GATAD2B: variants seen among roughly 807,000 people sequenced by gnomAD.
The protein encoded by GATAD2B is GATA zinc finger domain containing 2B, also known as transcriptional repressor p66-beta.
In GATAD2B, 8 loss-of-function variants were observed where a neutral mutation model predicts 64.3. The observed-to-expected ratio is 0.12, with a 90% CI of 0.07 to 0.22. The LOEUF (loss-of-function observed/expected upper bound fraction) is 0.22. Among genes scored for constraint, GATAD2B ranks in the 10% least tolerant of loss-of-function variants. The pLI, the probability that GATAD2B is intolerant of heterozygous loss-of-function variation, is 1.00. For synonymous variants in GATAD2B, 281 were observed against 271.3 expected (o/e 1.04, Z -0.35); for missense variants, 453 against 752.0 (o/e 0.60, Z 4.65).
intron 1 of GATAD2B, among the ~76,000 whole-genome samples, chr1:153,832,598 A>G (rs1261309440): frequency 6.6e-6 from 1 of 152,264 alleles, no homozygotes. Context: ...TCTAGCTGAG[A>G]TAACCCACAA....
At chr1:153,821,752 G>C (rs1211781446) in intron 2 of GATAD2B, among the ~76,000 whole-genome samples, 1 of 151,810 alleles carries the variant, frequency 6.6e-6, no homozygotes. Flanking sequence ...ATTTTTAGTA[G>C]AGACGGGGTT....
At chr1:153,866,768 T>A (rs957270721) in intron 1 of GATAD2B, among the ~76,000 whole-genome samples, 1 of 152,122 alleles carries the variant, frequency 6.6e-6, no homozygotes, top group Non-Finnish European at 1.5e-5. Flanking sequence ...TGAAATTATT[T>A]CCAATGTACC....
chr1:153,894,371 G>A (rs886798166), intron 1 of GATAD2B, among the ~76,000 whole-genome samples: 10 of 152,156 alleles, frequency 6.6e-5, no homozygotes, highest in African/African-American at 2.4e-4. Flanking sequence ...AGGAGGCTGA[G>A]GCAAGAAAAT....
rs935575331 is a variant in GATAD2B at position 153,820,630 on chromosome 1, CT to C, written c.336-896del. On this transcript the variant is annotated intron_variant, in intron 2 of 10. Coordinates refer to ENST00000368655, the MANE Select transcript of GATAD2B (RefSeq NM_020699.4). ...GGTCGAGGGCAATTGTTCTTTGGTCCTTTTTTTTTTCCCTCTTGAGACAGGG... is the reference window on the plus strand; with the variant it reads ...GGTCGAGGGCAATTGTTCTTTGGTCCTTTTTTTTTCCCTCTTGAGACAGGG... Among the ~76,000 whole-genome samples the C allele has an allele frequency of 2.0e-3, 301 of 149,010 alleles. 2 individuals are homozygous for C. Among genetic ancestry groups the C allele is most frequent in the African/African-American group, 6.8e-3 (277 of 40,672 alleles).
At chr1:153,918,367 T>C (rs1476057292) in intron 1 of GATAD2B, among the ~76,000 whole-genome samples, 1 of 152,166 alleles carries the variant, frequency 6.6e-6, no homozygotes, top group South Asian at 2.1e-4. Context: ...GTTCATCCCC[T>C]CTCTTTCAGC....
intron 2 of GATAD2B, chr1:153,827,425 G>GC (rs1478077428): frequency 6.5e-6 from 1 of 152,722 alleles, no homozygotes; most frequent in Admixed American, 6.6e-5. Flanking sequence ...AAAGACACCA[G>GC]AAAAAAAGGC....
At chr1:153,906,651 G>A (rs1229344643) in intron 1 of GATAD2B, among the ~76,000 whole-genome samples, 3 of 151,972 alleles carry the variant, frequency 2.0e-5, no homozygotes, top group South Asian at 4.1e-4. Flanking sequence ...AAAAACAACA[G>A]ATAAACTGGA....
chr1:153,912,508 A>T (rs1171678482), intron 1 of GATAD2B, among the ~76,000 whole-genome samples: 2 of 152,230 alleles, frequency 1.3e-5, no homozygotes, highest in Non-Finnish European at 2.9e-5. Flanking sequence ...CATGCTATTC[A>T]CACCAAATTT....
chr1:153,852,262 A>G, intron 1 of GATAD2B: 1 of 1,216,566 alleles, frequency 8.2e-7, no homozygotes, highest in Admixed American at 1.8e-5. Flanking sequence ...TCATCTAAAG[A>G]TTCCTTCATT....
intron 2 of GATAD2B, among the ~76,000 whole-genome samples, chr1:153,821,727 C>T (rs1181855598): frequency 6.6e-6 from 1 of 151,838 alleles, no homozygotes; most frequent in Admixed American, 6.6e-5. Flanking sequence ...CCGCGCCTGG[C>T]TAATTTTTTT....
intron 1 of GATAD2B, among the ~76,000 whole-genome samples, chr1:153,875,084 A>C (rs975342124): frequency 3.3e-5 from 5 of 151,402 alleles, no homozygotes; most frequent in Non-Finnish European, 7.4e-5. Flanking sequence ...TGTTGTGTTG[A>C]CCAGGCTGGT....
At chr1:153,918,250 G>T (rs1243963046) in intron 1 of GATAD2B, among the ~76,000 whole-genome samples, 1 of 152,158 alleles carries the variant, frequency 6.6e-6, no homozygotes, top group Admixed American at 6.5e-5. Context: ...AAAATTAGTA[G>T]CATTACCCAA....
At chr1:153,887,561 G>A (rs951075906) in intron 1 of GATAD2B, among the ~76,000 whole-genome samples, 1 of 152,168 alleles carries the variant, frequency 6.6e-6, no homozygotes, top group African/African-American at 2.4e-5. Context: ...CGAGTCCTGA[G>A]ACAGCATTTA....
chr1:153,826,359 T>C (rs2101889891), intron 2 of GATAD2B, among the ~76,000 whole-genome samples: 1 of 152,156 alleles, frequency 6.6e-6, no homozygotes, highest in African/African-American at 2.4e-5. Context: ...CTGGGTGTGA[T>C]GGCTCATGCC....
In GATAD2B at chr1:153,812,031, C is replaced by T. The variant is rs753763024; in HGVS notation, c.1521G>A (p.Thr507=). The T allele has an allele frequency of 1.1e-5, 18 of 1,596,600 alleles. No homozygotes were observed. The highest frequency in any genetic ancestry group is 4.0e-5 in the African/African-American group (3 of 74,578). ...GCAAAAAGTTCCTTACCTGCCGAAG[C>T]GTATGATGTCTCATGATGGTCTCTT... The part of the protein sequence containing the change: ...SKQETIMRHH[T]LRQAPQPQSS... The change falls in exon 9 of 11, where the codon ACG becomes ACA. Residue 507 remains threonine (T), a synonymous_variant. Coordinates refer to ENST00000368655, the MANE Select transcript of GATAD2B (RefSeq NM_020699.4).
intron 1 of GATAD2B, among the ~76,000 whole-genome samples, chr1:153,894,091 T>A (rs187974385): frequency 5.5e-4 from 84 of 152,098 alleles, no homozygotes; most frequent in Admixed American, 2.4e-3. Flanking sequence ...AAGCTTGTAG[T>A]TGAACACAAA....
At chr1:153,815,104 A>AAAAAAAAAC (rs1674417297) in intron 7 of GATAD2B, among the ~76,000 whole-genome samples, 1 of 142,338 alleles carries the variant, frequency 7.0e-6, no homozygotes, top group Non-Finnish European at 1.6e-5. Context: ...AAAAAAAAAA[A>AAAAAAAAAC]AAAAAAAACC....
chr1:153,834,122 C>A (rs1675181801), intron 1 of GATAD2B, among the ~76,000 whole-genome samples: 1 of 151,630 alleles, frequency 6.6e-6, no homozygotes, highest in South Asian at 2.1e-4. Context: ...CCTGCCTCAG[C>A]CTTCCGTGCA....
intron 1 of GATAD2B, among the ~76,000 whole-genome samples, chr1:153,901,866 TG>T (rs2101960865): frequency 1.3e-5 from 2 of 148,502 alleles, no homozygotes; most frequent in East Asian, 4.0e-4. Context: ...TTAAATAAAA[TG>T]GCCCTGGTGT....
Sources: allele counts gnomAD v4.1 joint callset (sites outside exome capture counted in the v4.1 genomes callset), GRCh38; gene constraint gnomAD v4.1.1; transcripts MANE v1.5; gene names NCBI Gene and HGNC (gene_info 2026-07-23, HGNC 2026-07-21).